STK3: variants seen among roughly 807,000 people sequenced by gnomAD.
The protein encoded by STK3 is serine/threonine-protein kinase 3.
Under a neutral mutation model 58.0 loss-of-function variants are expected in STK3, and 41 were observed. The observed-to-expected ratio is 0.71, with a 90% CI of 0.55 to 0.92. The LOEUF (loss-of-function observed/expected upper bound fraction) is 0.92, where lower values mean the gene tolerates loss of function less well. STK3 is among the 40% of genes least tolerant of loss of function. The pLI is 0.00. For missense variants in STK3, 479 were observed against 602.7 expected, an observed-to-expected ratio of 0.79 and a Z score of 2.15; for synonymous variants, 170 against 191.0, an observed-to-expected ratio of 0.89 and a Z score of 0.91.
chr8:98,677,760 T>C (rs769082894), intron 6 of STK3, among the ~76,000 whole-genome samples: 1 of 152,168 alleles, frequency 6.6e-6, no homozygotes, highest in Non-Finnish European at 1.5e-5. Flanking sequence ...GCCTTCACCC[T>C]TTTTCTTCCC....
chr8:98,459,819 T>A (rs1183578982), intron 10 of STK3, among the ~76,000 whole-genome samples: 1 of 152,236 alleles, frequency 6.6e-6, no homozygotes, highest in Non-Finnish European at 1.5e-5. Flanking sequence ...AAGTCAAGAA[T>A]TGAGGCTTGG....
At chr8:98,582,036 TCAG>T (rs905656905) in intron 7 of STK3, among the ~76,000 whole-genome samples, 1 of 152,142 alleles carries the variant, frequency 6.6e-6, no homozygotes, top group Non-Finnish European at 1.5e-5. Context: ...AATTGATAAT[TCAG>T]AACATGAACA....
At chr8:98,380,426 T>C (rs1038701885) in intron 1 of STK3, among the ~76,000 whole-genome samples, 3 of 152,192 alleles carry the variant, frequency 2.0e-5, no homozygotes, top group Non-Finnish European at 4.4e-5. Flanking sequence ...TTTTAAAAAA[T>C]CCTCTATTGT....
At chr8:98,839,104 T>A (rs1251450037) in intron 3 of STK3, among the ~76,000 whole-genome samples, 1 of 151,560 alleles carries the variant, frequency 6.6e-6, no homozygotes, top group Non-Finnish European at 1.5e-5. Flanking sequence ...TGGAGTCCAG[T>A]GGTGTGATTT....
intron 8 of STK3, among the ~76,000 whole-genome samples, chr8:98,556,867 A>C (rs1302579122): frequency 6.6e-6 from 1 of 152,136 alleles, no homozygotes; most frequent in Non-Finnish European, 1.5e-5. Flanking sequence ...TTTTCTAGAA[A>C]GTTTCTAGGC....
At chr8:98,498,888 C>A (rs1184707047) in intron 10 of STK3, among the ~76,000 whole-genome samples, 1 of 152,168 alleles carries the variant, frequency 6.6e-6, no homozygotes, top group African/African-American at 2.4e-5. Flanking sequence ...GAATAATGGT[C>A]CCTTGAGATA....
At chr8:98,929,281 C>CA (rs370619372) in intron 1 of STK3, among the ~76,000 whole-genome samples, 9 of 151,152 alleles carry the variant, frequency 6.0e-5, no homozygotes, top group East Asian at 1.9e-4. Flanking sequence ...TGAACAACAA[C>CA]AAAAAAAAAC....
At chr8:98,818,166 C>A (rs909756551) in intron 1 of STK3, among the ~76,000 whole-genome samples, 1 of 152,172 alleles carries the variant, frequency 6.6e-6, no homozygotes, top group African/African-American at 2.4e-5. Context: ...ACTTAAATAT[C>A]ACCTTCTCAG....
chr8:98,397,040 T>C (rs1453338554), downstream of STK3, among the ~76,000 whole-genome samples: 4 of 152,224 alleles, frequency 2.6e-5, no homozygotes, highest in African/African-American at 4.8e-5. Context: ...GAAGGTCAAA[T>C]TAATGACAGA....
intron 3 of STK3, among the ~76,000 whole-genome samples, chr8:98,842,095 T>C (rs1162060255): frequency 6.6e-6 from 1 of 151,948 alleles, no homozygotes; most frequent in African/African-American, 2.4e-5. Context: ...ATATAAAACC[T>C]ATATGAATTT....
At chr8:98,551,997 G>C (rs1003118603) in intron 8 of STK3, among the ~76,000 whole-genome samples, 26 of 152,044 alleles carry the variant, frequency 1.7e-4, no homozygotes, top group African/African-American at 6.0e-4. Flanking sequence ...CTACTTAAAA[G>C]TAGGTCTGGG....
intron 6 of STK3, among the ~76,000 whole-genome samples, chr8:98,698,656 G>A (rs945208187): frequency 4.6e-5 from 7 of 152,212 alleles, no homozygotes; most frequent in African/African-American, 7.2e-5. Context: ...ATTCTGGGTT[G>A]AAAATTCTTT....
At chr8:98,495,732 T>G (rs1428719614) in intron 10 of STK3, among the ~76,000 whole-genome samples, 1 of 152,232 alleles carries the variant, frequency 6.6e-6, no homozygotes, top group African/African-American at 2.4e-5. Context: ...CATATGCTTT[T>G]ATAGCAACAG....
intron 6 of STK3, among the ~76,000 whole-genome samples, chr8:98,693,955 T>C (rs956318605): frequency 6.6e-6 from 1 of 152,222 alleles, no homozygotes; most frequent in Non-Finnish European, 1.5e-5. Flanking sequence ...TCTTCACATG[T>C]GGACATAACC....
At chr8:98,384,955 C>T (rs1817775513) in intron 1 of STK3, among the ~76,000 whole-genome samples, 1 of 152,144 alleles carries the variant, frequency 6.6e-6, no homozygotes, top group Non-Finnish European at 1.5e-5. Context: ...TTAGCTGAGT[C>T]CCTCCTCCAC....
intron 3 of STK3, among the ~76,000 whole-genome samples, chr8:98,853,452 A>T (rs140065836): frequency 1.9e-4 from 29 of 152,086 alleles, no homozygotes; most frequent in South Asian, 1.7e-3. Context: ...GTTTTCTTCT[A>T]TTGCTGTTTT....
At chr8:98,813,676 T>C (rs1042141719) in intron 1 of STK3, among the ~76,000 whole-genome samples, 1 of 152,200 alleles carries the variant, frequency 6.6e-6, no homozygotes, top group Non-Finnish European at 1.5e-5. Context: ...TCTCCACTTA[T>C]CATAAACTGG....
intron 4 of STK3, among the ~76,000 whole-genome samples, chr8:98,742,288 T>A (rs1829286485): frequency 1.3e-5 from 2 of 151,340 alleles, no homozygotes; most frequent in South Asian, 4.2e-4. Context: ...AAAAAGAGAA[T>A]TTTAGACCAA....
At chr8:98,594,045 C>T (rs561222315) in intron 7 of STK3, among the ~76,000 whole-genome samples, 7 of 152,276 alleles carry the variant, frequency 4.6e-5, no homozygotes, top group Non-Finnish European at 8.8e-5. Flanking sequence ...AGATAGCTCA[C>T]GCCTATAATC....
Sources: allele counts gnomAD v4.1 joint callset (sites outside exome capture counted in the v4.1 genomes callset), GRCh38; gene constraint gnomAD v4.1.1; transcripts MANE v1.5; gene names NCBI Gene and HGNC (gene_info 2026-07-23, HGNC 2026-07-21).